Variants in PIAS2 observed in about 807,000 individuals in gnomAD.
PIAS2 encodes protein inhibitor of activated STAT 2.
Under a neutral mutation model 69.7 loss-of-function variants are expected in PIAS2, and 19 were observed. The ratio of observed to expected loss-of-function variants is 0.27; its 90% confidence interval spans 0.19 to 0.40. PIAS2 has a LOEUF of 0.40. Ranked by LOEUF, PIAS2 falls within the 10% of genes least tolerant of loss-of-function variation. The pLI, the probability that PIAS2 is intolerant of heterozygous loss-of-function variation, is 1.00. For synonymous variants in PIAS2, 261 were observed against 263.2 expected (o/e 0.99, Z 0.08); for missense variants, 624 against 757.0 (o/e 0.82, Z 2.06).
chr18:46,848,714 A>T (rs911627198), intron 5 of PIAS2, among the ~76,000 whole-genome samples: 4 of 152,096 alleles, frequency 2.6e-5, no homozygotes, highest in Admixed American at 1.3e-4. Flanking sequence ...TAAAAGACAA[A>T]GAGAAGAACT....
In PIAS2 at chr18:46,890,750, G is replaced by A. The variant is rs769714917; in HGVS notation, c.329C>T (p.Thr110Ile). 3 of 1,614,150 alleles carry A rather than the reference G, an allele frequency of 1.9e-6. No homozygotes were observed. The highest frequency in any genetic ancestry group is 2.2e-5 in the South Asian group (2 of 91,074). Residue 110 changes from threonine to isoleucine, a missense_variant, in exon 2 of 14, where the codon ACA becomes ATA. Coordinates refer to ENST00000585916, the MANE Select transcript of PIAS2 (RefSeq NM_004671.5). Reference protein sequence around the residue: ...GIHSLPSTSVTPHSPSSPVGS... With the variant: ...GIHSLPSTSVIPHSPSSPVGS... ...AACAGGAGAGGATGGTGAGTGAGGT[G>A]TAACTGAAGTGGAAGGCAACGAGTG...
intron 12 of PIAS2, chr18:46,815,770 C>T (rs1183301562): frequency 2.3e-5 from 23 of 1,001,214 alleles, no homozygotes; most frequent in African/African-American, 1.6e-4. Flanking sequence ...ATCTAAGTAT[C>T]GCTTCTTAAA....
At chr18:46,872,819 T>C (rs1316164488) in intron 2 of PIAS2, among the ~76,000 whole-genome samples, 1 of 152,182 alleles carries the variant, frequency 6.6e-6, no homozygotes, top group Non-Finnish European at 1.5e-5. Flanking sequence ...GAAACCCTTA[T>C]ACCTGAAGCT....
chr18:46,917,512 G>A, upstream of PIAS2: 3 of 1,175,294 alleles, frequency 2.6e-6, no homozygotes, highest in African/African-American at 3.2e-5. Flanking sequence ...TCACGTGAAC[G>A]GCGCGGGAGC....
At chr18:46,823,392 C>A (rs2042408600) in intron 11 of PIAS2, among the ~76,000 whole-genome samples, 1 of 151,952 alleles carries the variant, frequency 6.6e-6, no homozygotes. Flanking sequence ...TGTTTTGATC[C>A]TGATTGCCCT....
At chr18:46,834,996 C>T (rs1361326636) in intron 9 of PIAS2, among the ~76,000 whole-genome samples, 2 of 152,174 alleles carry the variant, frequency 1.3e-5, no homozygotes, top group African/African-American at 4.8e-5. Context: ...CACAGACATA[C>T]ACAAAATGCC....
chr18:46,888,904 T>C (rs1256113332), intron 2 of PIAS2, among the ~76,000 whole-genome samples: 1 of 152,170 alleles, frequency 6.6e-6, no homozygotes, highest in Non-Finnish European at 1.5e-5. Flanking sequence ...TTGGAGACCT[T>C]GGAACAGAGA....
intron 12 of PIAS2, among the ~76,000 whole-genome samples, chr18:46,819,374 C>T (rs2041921246): frequency 6.6e-6 from 1 of 152,090 alleles, no homozygotes. Flanking sequence ...TTTGTGCTAG[C>T]TGGGTCTACA....
At chr18:46,875,971 G>A (rs1206115964) in intron 2 of PIAS2, among the ~76,000 whole-genome samples, 1 of 152,206 alleles carries the variant, frequency 6.6e-6, no homozygotes, top group Non-Finnish European at 1.5e-5. Context: ...TGAGGGCCAC[G>A]TCAATTTTAC....
chr18:46,865,273 C>T (rs1476237915), intron 2 of PIAS2, among the ~76,000 whole-genome samples: 4 of 152,148 alleles, frequency 2.6e-5, no homozygotes, highest in East Asian at 3.8e-4. Flanking sequence ...GGCACAGTGG[C>T]TCACACGTGT....
At chr18:46,905,850 C>G (rs1391937388) in intron 1 of PIAS2, 1 of 151,980 alleles carries the variant, frequency 6.6e-6, no homozygotes, top group African/African-American at 2.4e-5. Context: ...ATTTAAGAAA[C>G]AGACCTTTCT....
Position 46,901,859 on chromosome 18 carries a change from G to A in PIAS2, c.25-10805C>T, listed in dbSNP as rs114351839. On this transcript the variant is annotated intron_variant, in intron 1 of 13. Transcript: ENST00000585916. ...GAAAGATTGCTTTCCCTCTAATATT[G>A]GGACTGAGGCAAAGATGCCTACTAT... 4.3e-3 allele frequency among the ~76,000 whole-genome samples: 661 copies of A among 152,218 alleles called. 2 individuals carry two copies. The highest frequency in any genetic ancestry group is 0.016 in the African/African-American group (645 of 41,516).
At position 46,893,560 on chromosome 18, in the gene PIAS2, GAA is replaced by G. The variant is rs1186985879; in HGVS notation, c.25-2508_25-2507del. 3 of 443,690 alleles carry G rather than the reference GAA, an allele frequency of 6.8e-6. No individual in the cohort carries two copies. In the Admixed American group the frequency reaches 1.9e-4, roughly 28 times the overall value. 27.5% of individuals were successfully genotyped at this position (443,690 alleles called of 1,614,324 possible). On this transcript the variant is annotated intron_variant, in intron 1 of 13. Coordinates refer to ENST00000585916, the MANE Select transcript of PIAS2 (RefSeq NM_004671.5). ...TTGTAAATAGACAAACAAAAAGTAAGAAAGAGATAAGAGCTTAGACTATGAAT... is the reference window on the plus strand; with the variant it reads ...TTGTAAATAGACAAACAAAAAGTAAGAGAGATAAGAGCTTAGACTATGAAT...
chr18:46,902,714 A>T (rs995645379), intron 1 of PIAS2, among the ~76,000 whole-genome samples: 4 of 152,236 alleles, frequency 2.6e-5, no homozygotes, highest in African/African-American at 9.6e-5. Context: ...TATAGATGAG[A>T]TTATTCTAAA....
chr18:46,875,121 A>AC (rs1271499312), intron 2 of PIAS2, among the ~76,000 whole-genome samples: 1 of 152,108 alleles, frequency 6.6e-6, no homozygotes, highest in Non-Finnish European at 1.5e-5. Context: ...CCATCCCTTA[A>AC]CCCTTCAGTT....
Position 46,821,138 on chromosome 18 carries a change from A to T in PIAS2, c.1509-66T>A, listed in dbSNP as rs545439487. ...TTAGTTCACAGGAGAGAAGAGCTGC[A>T]CCACTGGGCATTCTCAGTCGTTCGT... On this transcript the variant is annotated intron_variant, in intron 11 of 13. Coordinates refer to ENST00000585916, the MANE Select transcript of PIAS2 (RefSeq NM_004671.5). 1.0e-4 allele frequency: 158 copies of T among 1,537,488 alleles called. No homozygotes were observed. In the African/African-American group the frequency reaches 2.0e-3, roughly 20 times the overall value.
At chr18:46,886,668 T>C (rs896640750) in intron 2 of PIAS2, among the ~76,000 whole-genome samples, 1 of 152,030 alleles carries the variant, frequency 6.6e-6, no homozygotes. Context: ...CGAAACCCCA[T>C]CTCTACTAAA....
chr18:46,907,042 G>A (rs964981351), intron 1 of PIAS2, among the ~76,000 whole-genome samples: 1 of 152,162 alleles, frequency 6.6e-6, no homozygotes, highest in African/African-American at 2.4e-5. Context: ...AAAAGAAGGA[G>A]AGCCTGCAAA....
intron 8 of PIAS2, among the ~76,000 whole-genome samples, chr18:46,839,902 C>A (rs1031169243): frequency 6.7e-6 from 1 of 149,688 alleles, no homozygotes; most frequent in African/African-American, 2.5e-5. Flanking sequence ...GTGGCTCACA[C>A]GTGTAATCCC....
Sources: gnomAD v4.1 joint callset for allele counts (sites outside exome capture counted in the v4.1 genomes callset) on GRCh38, gnomAD v4.1.1 for gene constraint, MANE v1.5 for transcripts, NCBI Gene and HGNC (gene_info 2026-07-23, HGNC 2026-07-21) for gene names.